The following FAM178B variants were observed in gnomAD, a reference collection of about 807,000 sequenced individuals.
The protein encoded by FAM178B is protein FAM178B.
In FAM178B, 82 loss-of-function variants were observed where a neutral mutation model predicts 91.7. The ratio of observed to expected loss-of-function variants is 0.89; its 90% confidence interval spans 0.75 to 1.07. The LOEUF (loss-of-function observed/expected upper bound fraction) is 1.07. Among genes scored for constraint, FAM178B ranks in the 50% least tolerant of loss-of-function variants. FAM178B has a pLI of 0.00. For synonymous variants in FAM178B, 368 were observed against 359.4 expected (o/e 1.02, Z -0.27); for missense variants, 769 against 846.7 (o/e 0.91, Z 1.14).
intron 12 of FAM178B, among the ~76,000 whole-genome samples, chr2:96,916,889 G>A (rs2081249910): frequency 2.0e-5 from 3 of 152,174 alleles, no homozygotes; most frequent in Admixed American, 2.0e-4. Context: ...TCTTCCTGGG[G>A]TCAGTCTGGG....
In FAM178B at chr2:96,960,072, A is replaced by G. The variant is rs539117480; in HGVS notation, c.887+216T>C. On this transcript the variant is annotated intron_variant, in intron 6 of 16. Transcript: ENST00000490605. ...GTAAATGCACAACTGGCTATCTGCT[A>G]TAATGTGGGAATTTTTTAATTATGT... Among the ~76,000 whole-genome samples, 3 of 152,386 alleles carry G rather than the reference A, an allele frequency of 2.0e-5. No homozygotes were observed. The East Asian group carries it at 5.8e-4, about 29-fold the overall frequency.
At chr2:96,932,116 A>C (rs1057493249) in intron 8 of FAM178B, among the ~76,000 whole-genome samples, 4 of 152,146 alleles carry the variant, frequency 2.6e-5, no homozygotes, top group Admixed American at 2.6e-4. Context: ...GGTGGGTTGG[A>C]ACCTCCCGCC....
intron 13 of FAM178B, among the ~76,000 whole-genome samples, chr2:96,897,105 G>A (rs548598036): frequency 6.6e-6 from 1 of 152,302 alleles, no homozygotes; most frequent in East Asian, 1.9e-4. Flanking sequence ...GACCTCAAGT[G>A]ATCCACCCAC....
chr2:96,900,609 G>A (rs530871840), intron 13 of FAM178B, among the ~76,000 whole-genome samples: 1 of 152,290 alleles, frequency 6.6e-6, no homozygotes, highest in Admixed American at 6.5e-5. Context: ...ATGACAGCCA[G>A]TGCTGGGGCA....
chr2:96,985,859 C>A (rs945658842), intron 1 of FAM178B, among the ~76,000 whole-genome samples: 1 of 152,218 alleles, frequency 6.6e-6, no homozygotes, highest in African/African-American at 2.4e-5. Flanking sequence ...ATCATAAACT[C>A]CACATCCATC....
chr2:96,913,251 G>A (rs1442681866), intron 12 of FAM178B, among the ~76,000 whole-genome samples: 3 of 152,198 alleles, frequency 2.0e-5, no homozygotes, highest in African/African-American at 2.4e-5. Flanking sequence ...TCAGCAGCAG[G>A]AAGCATGGAG....
chr2:96,960,614 C>T (rs865839327), intron 5 of FAM178B, among the ~76,000 whole-genome samples, 174 bp from the exon 6 acceptor site: 1 of 152,162 alleles, frequency 6.6e-6, no homozygotes, highest in Admixed American at 6.5e-5. Context: ...CACCTAGGCA[C>T]GCAGGAGCCC....
At chr2:96,877,686 C>T (rs754481884) in intron 16 of FAM178B, 7 of 592,826 alleles carry the variant, frequency 1.2e-5, no homozygotes, top group African/African-American at 3.7e-5. Context: ...TGAGCTACCA[C>T]GCCCAGCCTT....
Position 96,878,854 on chromosome 2 carries a change from T to C in FAM178B, c.1777-361A>G, listed in dbSNP as rs72811638. Among the ~76,000 whole-genome samples the C allele has an allele frequency of 3.9e-3, 601 of 152,310 alleles. 3 individuals carry two copies. Among genetic ancestry groups the C allele is most frequent in the Non-Finnish European group, 6.2e-3 (424 of 68,020 alleles). The stretch of plus-strand genomic sequence containing the variant: ...CTTCTGGGGAGAGGGGCCTATCCAC[T>C]CTGATCTCTGCAGTCTCTGTTCCCT... On this transcript the variant is annotated intron_variant, in intron 14 of 16. Transcript: ENST00000490605.
In FAM178B at chr2:96,967,525, C is replaced by T. The variant is rs1291879182; in HGVS notation, c.729G>A (p.Glu243=). 15 of 1,543,946 alleles carry T rather than the reference C, an allele frequency of 9.7e-6. No homozygotes were observed. The highest frequency in any genetic ancestry group is 1.3e-5 in the Non-Finnish European group (15 of 1,141,626). The change falls in exon 5 of 17, where the codon GAG becomes GAA. Residue 243 remains glutamate, a synonymous_variant. Coordinates refer to ENST00000490605, the MANE Select transcript of FAM178B (RefSeq NM_001122646.3). The part of the protein sequence containing the change: ...LDEEEVPLTP[E]HRMLVEKYSV... The stretch of plus-strand genomic sequence containing the variant: ...GCCAGGCCCCTGCCCCTCACCTGTG[C>T]TCGGGTGTGAGTGGCACTTCCTCTT...
chr2:96,982,735 A>ATTT (rs58540459), intron 1 of FAM178B, among the ~76,000 whole-genome samples: 102 of 52,218 alleles, frequency 2.0e-3, no homozygotes, highest in Non-Finnish European at 2.8e-3. Context: ...TGCCCAGCTA[A>ATTT]TTTTTTTTTT....
At chr2:96,951,702 C>T (rs188215369) in intron 6 of FAM178B, 20 of 520,768 alleles carry the variant, frequency 3.8e-5, no homozygotes, top group Middle Eastern at 1.1e-3. Context: ...TTGAATGTTG[C>T]GTGAACACAC....
chr2:96,903,194 CA>C (rs2080967674), intron 12 of FAM178B, among the ~76,000 whole-genome samples: 2 of 152,224 alleles, frequency 1.3e-5, no homozygotes, highest in African/African-American at 4.8e-5. Context: ...CGCCCGCCAC[CA>C]TGCACGGCTG....
intron 14 of FAM178B, among the ~76,000 whole-genome samples, chr2:96,888,543 C>T (rs557013621): frequency 1.2e-3 from 182 of 152,352 alleles, no homozygotes; most frequent in African/African-American, 4.2e-3. Context: ...CAGAGGGCAG[C>T]GGCCCCCTCC....
At chr2:96,928,428 G>C (rs1465453991) in intron 9 of FAM178B, among the ~76,000 whole-genome samples, 2 of 152,154 alleles carry the variant, frequency 1.3e-5, no homozygotes, top group African/African-American at 4.8e-5. Flanking sequence ...CCACAGGCAG[G>C]GACCAGGCAT....
chr2:96,890,258 G>A (rs1026480317), intron 14 of FAM178B, among the ~76,000 whole-genome samples: 4 of 152,214 alleles, frequency 2.6e-5, no homozygotes, highest in African/African-American at 4.8e-5. Flanking sequence ...CAGCCTAGGC[G>A]ACAGAGCAAG....
In FAM178B at chr2:96,972,607, C is replaced by T; in HGVS notation, c.74-1G>A. 1 of 1,551,370 alleles carries T rather than the reference C, an allele frequency of 6.4e-7. No individual in the cohort carries two copies. The highest frequency in any genetic ancestry group is 1.4e-5 in the African/African-American group (1 of 73,170). On this transcript the variant is annotated splice_acceptor_variant, in intron 1 of 16. Coordinates refer to ENST00000490605, the MANE Select transcript of FAM178B (RefSeq NM_001122646.3). LOFTEE classifies it high-confidence loss of function. ...ATCTGCAAGCCGTGGGACATCTGTCCTGGAAGGAAGCGCCTGTGAGGGCAG... is the reference window on the plus strand; with the variant it reads ...ATCTGCAAGCCGTGGGACATCTGTCTTGGAAGGAAGCGCCTGTGAGGGCAG...
At chr2:96,941,113 A>G (rs1159546642) in intron 8 of FAM178B, among the ~76,000 whole-genome samples, 1 of 152,256 alleles carries the variant, frequency 6.6e-6, no homozygotes, top group Non-Finnish European at 1.5e-5. Context: ...TGAAATGTGT[A>G]TTGTGTATTC....
intron 12 of FAM178B, among the ~76,000 whole-genome samples, chr2:96,909,171 A>G (rs926104621): frequency 1.6e-4 from 25 of 152,056 alleles, no homozygotes; most frequent in Non-Finnish European, 1.3e-4. Flanking sequence ...GAAAAAAGAA[A>G]AAAGAAAACA....
Sources: gnomAD v4.1 joint callset for allele counts (sites outside exome capture counted in the v4.1 genomes callset) on GRCh38, gnomAD v4.1.1 for gene constraint, MANE v1.5 for transcripts, NCBI Gene and HGNC (gene_info 2026-07-23, HGNC 2026-07-21) for gene names.